LAMA1: variants seen among roughly 807,000 people sequenced by gnomAD.
LAMA1 encodes the protein laminin subunit alpha 1, also known as laminin subunit alpha-1.
A neutral mutation model predicts 348.7 loss-of-function variants in LAMA1; 219 were observed. That is an observed-to-expected ratio of 0.63 (90% confidence interval 0.56 to 0.70). LAMA1 has a LOEUF of 0.70. Ranked by LOEUF, LAMA1 falls within the 30% of genes least tolerant of loss-of-function variation. The probability of loss-of-function intolerance (pLI) is 0.00; values close to 1 mark genes in which losing one functional copy is unlikely to be tolerated. For missense variants in LAMA1, 3,744 were observed against 3,888.0 expected, an observed-to-expected ratio of 0.96 and a Z score of 0.99; for synonymous variants, 1,487 against 1,491.0, an observed-to-expected ratio of 1.00 and a Z score of 0.06.
intron 45 of LAMA1, among the ~76,000 whole-genome samples, chr18:6,975,710 A>G (rs1257349366): frequency 2.0e-5 from 3 of 152,166 alleles, no homozygotes; most frequent in Admixed American, 2.0e-4. Flanking sequence ...AAGGCTTACA[A>G]TTAAGATGGC....
chr18:7,067,362 T>C (rs1311156040), intron 3 of LAMA1, among the ~76,000 whole-genome samples: 1 of 152,066 alleles, frequency 6.6e-6, no homozygotes, highest in Non-Finnish European at 1.5e-5. Flanking sequence ...AGCAATGGCA[T>C]GTGAATCTGA....
At position 6,965,252 on chromosome 18, in the gene LAMA1, G is replaced by A. The variant is rs73390550; in HGVS notation, c.7195+36C>T. The A allele has an allele frequency of 1.9e-3, 3,089 of 1,613,616 alleles. 44 individuals are homozygous for A. In the African/African-American group the frequency reaches 0.035, roughly 18 times the overall value. On this transcript the variant is annotated intron_variant, in intron 50 of 62. Coordinates refer to ENST00000389658, the MANE Select transcript of LAMA1 (RefSeq NM_005559.4). ...TGAAAAGATTTCTATTCTTATGAGG[G>A]TGACCGACATCTGGTGAGTCCATCT...
At chr18:7,032,821 T>TA (rs964562582) in intron 15 of LAMA1, among the ~76,000 whole-genome samples, 163 bp downstream of exon 15, 32 of 152,338 alleles carry the variant, frequency 2.1e-4, no homozygotes, top group African/African-American at 7.7e-4. Flanking sequence ...CTGATTTTTT[T>TA]AAACAATGTG....
chr18:7,023,283 C>A lies in LAMA1; in HGVS notation c.2582G>T (p.Gly861Val). Reference sequence around the variant, plus strand: ...CTCCCCGGTGACTGAGTCACAGTGACCAGCCTCCGAGGGGTCCACGTTGCC... The same window carrying A: ...CTCCCCGGTGACTGAGTCACAGTGAACAGCCTCCGAGGGGTCCACGTTGCC... ...CSGNVDPSEA[G>V]HCDSVTGECL... The change falls in exon 19 of 63, where the codon GGT (glycine) becomes GTT (valine). Residue 861 changes from glycine (G) to valine (V), a missense_variant. This residue lies in a region of LAMA1 where 1,529 missense variants were observed against 1,689.4 expected (regional missense o/e 0.91). Transcript: ENST00000389658. 3 of 1,614,156 alleles carry A rather than the reference C, an allele frequency of 1.9e-6. No homozygotes were observed.
chr18:7,034,488 G>A lies in LAMA1; in HGVS notation c.2042C>T (p.Ala681Val), dbSNP rs2057985356. ...CATTTTCAATACATACCTGTAAAGA[G>A]CCATTTTTGCAGAATTGTAGTTGGC... ...IRANYNSAKM[A>V]LYRLESVSLD... The change falls in exon 14 of 63, where the codon GCT (alanine) becomes GTT (valine). Residue 681 changes from alanine to valine, a missense_variant. This residue lies in a region of LAMA1 where 1,529 missense variants were observed against 1,689.4 expected (regional missense o/e 0.91). Coordinates refer to ENST00000389658, the MANE Select transcript of LAMA1 (RefSeq NM_005559.4). 1.9e-6 allele frequency: 3 copies of A among 1,613,842 alleles called. No individual in the cohort carries two copies. The highest frequency in any genetic ancestry group is 1.3e-5 in the African/African-American group (1 of 75,008).
chr18:6,996,096 G>A (rs758965558), intron 33 of LAMA1, among the ~76,000 whole-genome samples: 3 of 152,010 alleles, frequency 2.0e-5, no homozygotes, highest in Non-Finnish European at 4.4e-5. Flanking sequence ...TATACTGATC[G>A]TGTATATAGT....
At chr18:7,077,841 AG>A (rs2058175647) in intron 3 of LAMA1, among the ~76,000 whole-genome samples, 1 of 151,994 alleles carries the variant, frequency 6.6e-6, no homozygotes, top group Admixed American at 6.5e-5. Context: ...GTTAAAAAGA[AG>A]CTCTTGGCTG....
chr18:7,030,554 G>A (rs2057964271), intron 16 of LAMA1, among the ~76,000 whole-genome samples: 1 of 152,146 alleles, frequency 6.6e-6, no homozygotes, highest in African/African-American at 2.4e-5. Flanking sequence ...CAAGATGGTA[G>A]CATTAGGGGA....
chr18:6,998,915 C>T (rs1266932880), intron 32 of LAMA1, among the ~76,000 whole-genome samples: 1 of 152,162 alleles, frequency 6.6e-6, no homozygotes, highest in Non-Finnish European at 1.5e-5. Context: ...CACCTGTGAT[C>T]CCAGCTACTC....
At chr18:6,964,923 A>G (rs1379827850) in intron 50 of LAMA1, 120 bp from the exon 51 acceptor site, 1 of 1,142,154 alleles carries the variant, frequency 8.8e-7, no homozygotes, top group Non-Finnish European at 1.3e-6. Context: ...GATTCTGCGA[A>G]TTTGATCAGC....
intron 36 of LAMA1, among the ~76,000 whole-genome samples, chr18:6,987,964 A>T (rs947794935): frequency 6.6e-6 from 1 of 152,148 alleles, no homozygotes; most frequent in Non-Finnish European, 1.5e-5. Flanking sequence ...TTTAAAATAA[A>T]TTAGCCAGGC....
rs1469380359 is a variant in LAMA1 at position 7,038,874 on chromosome 18, C to G, written c.1499G>C (p.Cys500Ser). 1 of 1,614,202 alleles carries G rather than the reference C, an allele frequency of 6.2e-7. No homozygotes were observed. Residue 500 changes from cysteine (C) to serine (S), a missense_variant, in exon 11 of 63, where the codon TGC becomes TCC. Physicochemically the swap from Cys to Ser is moderately radical, Grantham distance 112. Around this residue, in one of 3 missense-constraint regions of LAMA1, gnomAD observed 1,529 missense variants for 1,689.4 expected, o/e 0.91. Coordinates refer to ENST00000389658, the MANE Select transcript of LAMA1 (RefSeq NM_005559.4). ...YNLKEKNPRG[C>S]SECFCFGVSD... The stretch of plus-strand genomic sequence containing the variant: ...AACGCCAAAGCAGAAGCACTCGGAG[C>G]AGCCCCGGGGGTTTTTTTCCTTCAA...
At chr18:7,099,320 A>G (rs2058281427) in intron 1 of LAMA1, among the ~76,000 whole-genome samples, 2 of 151,474 alleles carry the variant, frequency 1.3e-5, no homozygotes, top group South Asian at 2.1e-4. Flanking sequence ...ACCCAGGGAC[A>G]CAAACACTGC....
intron 1 of LAMA1, among the ~76,000 whole-genome samples, chr18:7,083,163 C>T (rs1021570730): frequency 6.6e-6 from 1 of 151,142 alleles, no homozygotes; most frequent in African/African-American, 2.4e-5. Context: ...AGGTTTCTTA[C>T]CTGGCTGTTC....
chr18:7,045,156 A>G (rs529002595), intron 6 of LAMA1, among the ~76,000 whole-genome samples: 1 of 152,330 alleles, frequency 6.6e-6, no homozygotes, highest in African/African-American at 2.4e-5. Flanking sequence ...GTTCATCTAC[A>G]GATTTTTCAG....
At chr18:7,069,166 G>A (rs567863786) in intron 3 of LAMA1, among the ~76,000 whole-genome samples, 1 of 152,206 alleles carries the variant, frequency 6.6e-6, no homozygotes, top group Non-Finnish European at 1.5e-5. Context: ...ATCCTGGACT[G>A]TTTGGCAATC....
rs185519807 is a variant in LAMA1, at chr18:7,032,180, C to T, written c.2164-4G>A. ...GGTAATAGCCAGAGAGGCACGACTGCAAGAGAAGGGAAAGTCATCCTCTTT... is the reference window on the plus strand; with the variant it reads ...GGTAATAGCCAGAGAGGCACGACTGTAAGAGAAGGGAAAGTCATCCTCTTT... On this transcript the variant is annotated splice_polypyrimidine_tract_variant and splice_region_variant and intron_variant, in intron 15 of 62. Transcript: ENST00000389658. 214 of 1,596,298 alleles carry T rather than the reference C, an allele frequency of 1.3e-4. No homozygotes were observed. The African/African-American group carries it at 2.6e-3, about 20-fold the overall frequency.
At position 6,958,647 on chromosome 18, in the gene LAMA1, T is replaced by C. The variant is rs1184346755; in HGVS notation, c.7794A>G (p.Gln2598=). 17 of 1,613,814 alleles carry C rather than the reference T, an allele frequency of 1.1e-5. No homozygotes were observed. The highest frequency in any genetic ancestry group is 4.5e-5 in the East Asian group (2 of 44,894). ...TTTCCACAGGATTGTTCTCATCCAA[T>C]TGGACAGTGATAATTCTAAAAGACC... ...LVRNRRIITV[Q]LDENNPVEMK... is the part of the protein sequence containing the mutation. Residue 2598 remains glutamine, a synonymous_variant, in exon 55 of 63, where the codon CAA becomes CAG. Transcript: ENST00000389658.
intron 1 of LAMA1, among the ~76,000 whole-genome samples, chr18:7,093,515 A>C (rs1445342116): frequency 6.6e-6 from 1 of 152,114 alleles, no homozygotes; most frequent in Admixed American, 6.6e-5. Flanking sequence ...TCAATACAGC[A>C]CCTTCCACTT....
Sources: gnomAD v4.1 joint callset for allele counts (sites outside exome capture counted in the v4.1 genomes callset) on GRCh38, gnomAD v4.1.1 for gene constraint, gnomAD v4.1.1 regional missense constraint, MANE v1.5 for transcripts, NCBI Gene and HGNC (gene_info 2026-07-23, HGNC 2026-07-21) for gene names.